The following DGLUCY variants were observed in gnomAD, a reference collection of about 807,000 sequenced individuals.
The protein encoded by DGLUCY is D-glutamate cyclase, mitochondrial.
DGLUCY carries 58 observed loss-of-function variants against 58.5 expected under a neutral mutation model. That is an observed-to-expected ratio of 0.99 (90% CI 0.80 to 1.23). DGLUCY has a LOEUF of 1.23. Among genes scored for constraint, DGLUCY ranks in the 50% most tolerant of loss-of-function variants. The pLI is 0.00. For missense variants in DGLUCY, 779 were observed against 784.7 expected (o/e 0.99, Z 0.09); for synonymous variants, 325 against 314.1 (o/e 1.03, Z -0.37).
intron 1 of DGLUCY, among the ~76,000 whole-genome samples, chr14:91,119,641 C>G (rs576446235): frequency 2.2e-4 from 34 of 152,256 alleles, no homozygotes; most frequent in African/African-American, 8.2e-4. Context: ...GGTGTGATGG[C>G]TTAATGTTGA....
intron 1 of DGLUCY, among the ~76,000 whole-genome samples, chr14:91,097,258 G>A (rs2044410107): frequency 6.6e-6 from 1 of 152,048 alleles, no homozygotes; most frequent in Admixed American, 6.6e-5. Context: ...AATTAGCTGG[G>A]TGTGACACGT....
intron 8 of DGLUCY, among the ~76,000 whole-genome samples, chr14:91,184,458 G>T (rs900511092): frequency 2.6e-5 from 4 of 151,142 alleles, no homozygotes; most frequent in Non-Finnish European, 5.9e-5. Flanking sequence ...GGAGGCTGAG[G>T]TGTGCAGATC....
intron 1 of DGLUCY, among the ~76,000 whole-genome samples, chr14:91,149,244 T>G (rs1319734282): frequency 6.9e-6 from 1 of 145,632 alleles, no homozygotes; most frequent in Non-Finnish European, 1.5e-5. Context: ...CGAAACTCTA[T>G]CTCAAAAAAA....
At chr14:91,191,179 G>A (rs2049864637) in intron 9 of DGLUCY, among the ~76,000 whole-genome samples, 1 of 152,184 alleles carries the variant, frequency 6.6e-6, no homozygotes. Context: ...TGACCCTCGA[G>A]GACATCTTGA....
At chr14:91,098,783 T>A (rs758733182) in intron 1 of DGLUCY, among the ~76,000 whole-genome samples, 1 of 152,204 alleles carries the variant, frequency 6.6e-6, no homozygotes, top group Non-Finnish European at 1.5e-5. Context: ...GAATAACCCA[T>A]GTGGCCCATG....
intron 1 of DGLUCY, among the ~76,000 whole-genome samples, chr14:91,134,629 G>C (rs2046221749): frequency 6.6e-6 from 1 of 151,944 alleles, no homozygotes; most frequent in African/African-American, 2.4e-5. Context: ...GTAGAGACAG[G>C]GTTTCGCCAT....
Position 91,060,413 on chromosome 14 carries a change from T to G in DGLUCY, c.-373T>G, listed in dbSNP as rs372919173. 39 of 1,505,120 alleles carry G rather than the reference T, an allele frequency of 2.6e-5. No individual in the cohort carries two copies. Among genetic ancestry groups the G allele is most frequent in the Middle Eastern group, 3.5e-4 (2 of 5,664 alleles). 93.2% of individuals were successfully genotyped at this position (1,505,120 alleles called of 1,614,324 possible). On this transcript the variant is annotated 5_prime_UTR_variant, in exon 1 of 5. Coordinates refer to the DGLUCY transcript ENST00000521334. ...GCGCTGGTCCCCGCGGCGCCGCCGC[T>G]GCTGCCACCCTCCTCCTCCATCTTC... is the stretch of plus-strand genomic sequence containing the variant.
chr14:91,076,249 A>G (rs2044020023), intron 1 of DGLUCY, among the ~76,000 whole-genome samples: 1 of 152,188 alleles, frequency 6.6e-6, no homozygotes, highest in Non-Finnish European at 1.5e-5. Flanking sequence ...CAAGGATACT[A>G]ATATCCATGG....
At chr14:91,178,992 C>G (rs2049010433) in intron 7 of DGLUCY, among the ~76,000 whole-genome samples, 1 of 152,160 alleles carries the variant, frequency 6.6e-6, no homozygotes, top group South Asian at 2.1e-4. Context: ...CCACTGCACT[C>G]CAGCCTGGGT....
intron 13 of DGLUCY, among the ~76,000 whole-genome samples, chr14:91,218,485 C>T (rs1198819217): frequency 6.6e-6 from 1 of 151,582 alleles, no homozygotes; most frequent in Non-Finnish European, 1.5e-5. Flanking sequence ...TCACTGCAAC[C>T]TCCGCCTCCC....
intron 1 of DGLUCY, among the ~76,000 whole-genome samples, chr14:91,138,558 C>T (rs2046471037): frequency 1.3e-5 from 2 of 152,054 alleles, no homozygotes; most frequent in South Asian, 4.2e-4. Flanking sequence ...AGGTCTAATC[C>T]CCAGTTCCAC....
intron 1 of DGLUCY, 34 bp from the exon 2 acceptor site, chr14:91,157,605 G>A (rs945385044): frequency 6.6e-6 from 1 of 152,194 alleles, no homozygotes; most frequent in African/African-American, 2.4e-5. Context: ...TCTGATTGGT[G>A]TATATTGAAG....
At chr14:91,215,904 G>A (rs555721662) in intron 13 of DGLUCY, 2 of 490,982 alleles carry the variant, frequency 4.1e-6, no homozygotes, top group South Asian at 4.1e-5. Flanking sequence ...ACTTCATACT[G>A]TTAGTGGTGG....
At chr14:91,146,876 G>A (rs911843587) in intron 1 of DGLUCY, among the ~76,000 whole-genome samples, 5 of 152,018 alleles carry the variant, frequency 3.3e-5, no homozygotes, top group African/African-American at 7.2e-5. Context: ...TAGATGGAGC[G>A]CACCACCCAG....
intron 8 of DGLUCY, among the ~76,000 whole-genome samples, chr14:91,186,160 T>C (rs2049504659): frequency 6.6e-6 from 1 of 152,136 alleles, no homozygotes; most frequent in Admixed American, 6.5e-5. Context: ...AAGTTCTCAC[T>C]CTCCTCTTCT....
At chr14:91,183,244 C>T (rs1201956285) in intron 8 of DGLUCY, among the ~76,000 whole-genome samples, 1 of 152,110 alleles carries the variant, frequency 6.6e-6, no homozygotes, top group African/African-American at 2.4e-5. Context: ...GGTCTGCCCA[C>T]CTCAGCCTCC....
intron 8 of DGLUCY, among the ~76,000 whole-genome samples, chr14:91,187,895 T>C (rs1269998667): frequency 1.3e-5 from 2 of 152,128 alleles, no homozygotes; most frequent in Non-Finnish European, 2.9e-5. Context: ...TTTCCTGGGA[T>C]CACCTCCCAC....
In DGLUCY at chr14:91,073,396, G is replaced by A. The variant is rs746020382; in HGVS notation, c.-82+12692G>A. ...GCAGAGGTTGGAGTGAGCCAAGATCGTGCCACTATACTCCAGCCTGGGCGA... is the reference window on the plus strand; with the variant it reads ...GCAGAGGTTGGAGTGAGCCAAGATCATGCCACTATACTCCAGCCTGGGCGA... On this transcript the variant is annotated intron_variant, in intron 1 of 4. Transcript: ENST00000521334. Among the ~76,000 whole-genome samples the A allele has an allele frequency of 2.0e-4, 30 of 152,070 alleles. No individual in the cohort carries two copies. In the East Asian group the frequency reaches 2.5e-3, roughly 13 times the overall value.
Position 91,225,120 on chromosome 14 carries a change from G to A in DGLUCY, c.*287G>A, listed in dbSNP as rs1213161584. 1 of 265,504 alleles carries A rather than the reference G, an allele frequency of 3.8e-6. No individual in the cohort carries two copies. Among genetic ancestry groups the A allele is most frequent in the Non-Finnish European group, 7.1e-6 (1 of 141,520 alleles). 16.4% of individuals were successfully genotyped at this position (265,504 alleles called of 1,614,324 possible). On this transcript the variant is annotated 3_prime_UTR_variant, in exon 14 of 14. Coordinates refer to ENST00000256324, the MANE Select transcript of DGLUCY (RefSeq NM_001102368.3). The stretch of plus-strand genomic sequence containing the variant: ...CTGGCTTCTTCAGGCAACCCACGTG[G>A]TCTCCTGTGAGAATCTTCTCGACAG...
Sources: allele counts gnomAD v4.1 joint callset (sites outside exome capture counted in the v4.1 genomes callset), GRCh38; gene constraint gnomAD v4.1.1; transcripts MANE v1.5; gene names NCBI Gene and HGNC (gene_info 2026-07-23, HGNC 2026-07-21).